PLA2G4B: variants seen among roughly 807,000 people sequenced by gnomAD.
PLA2G4B encodes the protein cytosolic phospholipase A2 beta.
PLA2G4B carries 122 observed loss-of-function variants against 95.8 expected under a neutral mutation model. The ratio of observed to expected loss-of-function variants is 1.27; its 90% CI spans 1.10 to 1.48. The LOEUF is 1.48. Ranked by LOEUF, PLA2G4B falls within the 40% of genes most tolerant of loss-of-function variation. The pLI is 0.00. For synonymous variants in PLA2G4B, 518 were observed against 421.5 expected (o/e 1.23, Z -2.80); for missense variants, 1,158 against 996.2 (o/e 1.16, Z -2.19).
rs1164041740 is a variant in PLA2G4B at position 41,845,619 on chromosome 15, A to G, written c.1358-19A>G. On this transcript the variant is annotated intron_variant, in intron 14 of 19. Transcript: ENST00000458483. ...CTAAGGGCTCTGCACCATGAGGCTGAGGCGTGGACTCCTCACAGAGTGGTG... is the reference window on the plus strand; with the variant it reads ...CTAAGGGCTCTGCACCATGAGGCTGGGGCGTGGACTCCTCACAGAGTGGTG... The G allele has an allele frequency of 6.2e-7, 1 of 1,613,918 alleles. No homozygotes were observed. The highest frequency in any genetic ancestry group is 1.7e-5 in the Admixed American group (1 of 59,984).
At chr15:41,839,855 C>T (rs1283186596) in intron 1 of PLA2G4B, 5 of 345,710 alleles carry the variant, frequency 1.4e-5, no homozygotes, top group African/African-American at 4.2e-5. Context: ...TTCTCTGTGC[C>T]TCAGTTTCCT....
chr15:41,840,642 G>A lies in PLA2G4B; in HGVS notation c.201G>A (p.Arg67=). 1 of 1,613,774 alleles carries A rather than the reference G, an allele frequency of 6.2e-7. No homozygotes were observed. The highest frequency in any genetic ancestry group is 8.5e-7 in the Non-Finnish European group (1 of 1,179,870). ...SPVWNQSFHF[R]IHRQLKNVME... Reference sequence around the variant, plus strand: ...TCTGGAACCAGAGCTTTCACTTCAGGATCCACAGGCAGCTCAAGGTGGGCC... The same window carrying A: ...TCTGGAACCAGAGCTTTCACTTCAGAATCCACAGGCAGCTCAAGGTGGGCC... The change falls in exon 3 of 20, where the codon AGG becomes AGA. Residue 67 remains arginine (R), a synonymous_variant. Coordinates refer to ENST00000458483, the MANE Select transcript of PLA2G4B (RefSeq NM_001114633.2).
intron 10 of PLA2G4B, 66 bp from the exon 11 acceptor site, chr15:41,843,610 G>A (rs1487494520): frequency 6.3e-7 from 1 of 1,578,442 alleles, no homozygotes; most frequent in Non-Finnish European, 8.6e-7. Context: ...AGGTGAGGCA[G>A]ACCCAGCTTT....
chr15:41,841,353 C>T (rs2065428933), intron 6 of PLA2G4B, 80 bp downstream of exon 6: 16 of 1,610,728 alleles, frequency 9.9e-6, no homozygotes, highest in South Asian at 3.3e-5. Context: ...ACAGGCCCAC[C>T]GCTGCCTCAG....
At chr15:41,842,108 A>G (rs903447569) in intron 8 of PLA2G4B, 85 bp from the exon 9 acceptor site, 29 of 1,588,718 alleles carry the variant, frequency 1.8e-5, no homozygotes, top group Admixed American at 1.5e-4. Flanking sequence ...CCATAACTCT[A>G]TGGCTGCCGG....
At chr15:41,839,271 G>T in intron 1 of PLA2G4B, 1 of 209,852 alleles carries the variant, frequency 4.8e-6, no homozygotes, top group Non-Finnish European at 9.6e-6. Context: ...AGGGCCCTGG[G>T]CTGACCCTGG....
In PLA2G4B at chr15:41,840,007, C is replaced by G. The variant is rs543417526; in HGVS notation, c.10-151C>G. The G allele has an allele frequency of 2.9e-5, 25 of 860,882 alleles. No individual in the cohort carries two copies. The African/African-American group carries it at 3.6e-4, about 12-fold the overall frequency. The allele number at this position is 860,882 out of a possible 1,614,324, so 53.3% of individuals were successfully genotyped here. ...AGGCGTCATGATGGAGATATCATGTCTCCTCTTGTTGATTCAGGATTCTGA... is the reference window on the plus strand; with the variant it reads ...AGGCGTCATGATGGAGATATCATGTGTCCTCTTGTTGATTCAGGATTCTGA... On this transcript the variant is annotated intron_variant, in intron 1 of 19. Transcript: ENST00000458483.
At chr15:41,844,165 T>G (rs2065488348) in intron 11 of PLA2G4B, among the ~76,000 whole-genome samples, 1 of 152,114 alleles carries the variant, frequency 6.6e-6, no homozygotes, top group Admixed American at 6.5e-5. Context: ...TGATGGCAAT[T>G]TGGGAAAATT....
intron 6 of PLA2G4B, 26 bp downstream of exon 6, chr15:41,841,299 C>A: frequency 6.2e-7 from 1 of 1,611,862 alleles, no homozygotes; most frequent in South Asian, 1.1e-5. Context: ...CTCTGGGAGG[C>A]GGTCTGGGGT....
chr15:41,847,571 C>G (rs368772765), intron 19 of PLA2G4B, 48 bp downstream of exon 19: 2 of 1,605,886 alleles, frequency 1.2e-6, no homozygotes, highest in Non-Finnish European at 1.7e-6. Flanking sequence ...TCCCCCACAC[C>G]TCCTCCGTCC....
rs747081647 is a variant in PLA2G4B, at chr15:41,840,613, C to G, written c.172C>G (p.Pro58Ala). Residue 58 changes from proline (P) to alanine (A), a missense_variant, in exon 3 of 20, where the codon CCT becomes GCT. Coordinates refer to ENST00000458483, the MANE Select transcript of PLA2G4B (RefSeq NM_001114633.2). ...ACGCACGGTCAAGAACAGCAGTAGC[C>G]CTGTCTGGAACCAGAGCTTTCACTT... is the stretch of plus-strand genomic sequence containing the variant. Reference protein sequence around the residue: ...QTRTVKNSSSPVWNQSFHFRI... With the variant: ...QTRTVKNSSSAVWNQSFHFRI... The G allele has an allele frequency of 5.6e-6, 9 of 1,613,904 alleles. No individual in the cohort carries two copies. Among genetic ancestry groups the G allele is most frequent in the Non-Finnish European group, 7.6e-6 (9 of 1,180,022 alleles).
chr15:41,845,716 AG>A lies in PLA2G4B; in HGVS notation c.1437del (p.Glu479AspfsTer7), dbSNP rs753286611. On this transcript the variant is annotated frameshift_variant, in exon 15 of 20. Coordinates refer to ENST00000458483, the MANE Select transcript of PLA2G4B (RefSeq NM_001114633.2). LOFTEE classifies it high-confidence loss of function. Reference sequence around the variant, plus strand: ...ATCCCCTCTGAGCTCTTTGGCTCCGAGTTCTTTATGGGGCAGCTGATGAAGA... The same window carrying A: ...ATCCCCTCTGAGCTCTTTGGCTCCGATTCTTTATGGGGCAGCTGATGAAGA... ...AFIPSELFGS[E>X]FFMGQLMKRL... 1 of 1,613,010 alleles carries A rather than the reference AG, an allele frequency of 6.2e-7. No homozygotes were observed. The highest frequency in any genetic ancestry group is 8.5e-7 in the Non-Finnish European group (1 of 1,179,608).
chr15:41,846,890 A>AAGAG, intron 18 of PLA2G4B, 55 bp downstream of exon 18: 1 of 1,534,872 alleles, frequency 6.5e-7, no homozygotes, highest in Non-Finnish European at 8.8e-7. Flanking sequence ...CTGTCCCCTG[A>AAGAG]AGAGAGGGGC....
At chr15:41,840,434 C>A in intron 2 of PLA2G4B, 90 bp from the exon 3 acceptor site, 1 of 1,605,564 alleles carries the variant, frequency 6.2e-7, no homozygotes, top group Non-Finnish European at 8.5e-7. Flanking sequence ...CAGTCTTAAC[C>A]CACATGGGGC....
chr15:41,844,676 C>T, intron 12 of PLA2G4B, 69 bp downstream of exon 12: 3 of 1,608,402 alleles, frequency 1.9e-6, no homozygotes, highest in Non-Finnish European at 2.5e-6. Context: ...TTCTCCTAGG[C>T]CTCTGAGAAA....
Position 41,843,685 on chromosome 15 carries a change from G to A in PLA2G4B, c.753G>A (p.Glu251=), listed in dbSNP as rs747338863. The change falls in exon 11 of 20, where the codon GAG becomes GAA. Residue 251 remains glutamate, a synonymous_variant. Transcript: ENST00000458483. ...TTCCTTCCCCGGCCAGACTGAGGGA[G>A]CTGGCCGTGCGACTGGGCTTCGGGC... The part of the protein sequence containing the change: ...VELKKEAGLR[E]LAVRLGFGPC... The A allele has an allele frequency of 1.9e-6, 3 of 1,613,502 alleles. No individual in the cohort carries two copies. The highest frequency in any genetic ancestry group is 2.5e-6 in the Non-Finnish European group (3 of 1,179,702).
In PLA2G4B at chr15:41,842,545, G is replaced by A. The variant is rs376204450; in HGVS notation, c.706-9G>A. ...GACCTTTTGTGACTGGGGCCTTCAC[G>A]GTTTTCAGGAGCCCCTGATGAGAGT... On this transcript the variant is annotated splice_polypyrimidine_tract_variant and intron_variant, in intron 9 of 19. Coordinates refer to ENST00000458483, the MANE Select transcript of PLA2G4B (RefSeq NM_001114633.2). 2.0e-5 allele frequency: 32 copies of A among 1,610,872 alleles called. No homozygotes were observed. Among genetic ancestry groups the A allele is most frequent in the Non-Finnish European group, 2.5e-5 (29 of 1,179,154 alleles).
intron 17 of PLA2G4B, 114 bp downstream of exon 17, chr15:41,846,496 A>G (rs765005746): frequency 6.3e-5 from 95 of 1,514,682 alleles, no homozygotes; most frequent in Non-Finnish European, 7.9e-5. Flanking sequence ...TCCCTGGACT[A>G]CTTGGAACAG....
At chr15:41,844,700 G>A in intron 12 of PLA2G4B, 93 bp downstream of exon 12, 1 of 1,597,832 alleles carries the variant, frequency 6.3e-7, no homozygotes, top group Non-Finnish European at 8.5e-7. Context: ...AGAAGGGCTG[G>A]GAGAATGAAT....
Sources: allele counts gnomAD v4.1 joint callset (sites outside exome capture counted in the v4.1 genomes callset), GRCh38; gene constraint gnomAD v4.1.1; transcripts MANE v1.5; gene names NCBI Gene and HGNC (gene_info 2026-07-23, HGNC 2026-07-21).